Variants in MED13L observed in about 807,000 individuals in gnomAD.
MED13L encodes the protein mediator of RNA polymerase II transcription subunit 13-like.
In MED13L, 7 loss-of-function variants were observed where a neutral mutation model predicts 220.9. The observed-to-expected ratio is 0.03, with a 90% confidence interval of 0.02 to 0.06. MED13L has a LOEUF of 0.06. Ranked by LOEUF, MED13L falls within the 10% of genes least tolerant of loss-of-function variation. The pLI, the probability that MED13L is intolerant of heterozygous loss-of-function variation, is 1.00. For missense variants in MED13L, 1,965 were observed against 2,760.5 expected, an observed-to-expected ratio of 0.71 and a Z score of 6.46; for synonymous variants, 1,011 against 1,015.2, an observed-to-expected ratio of 1.00 and a Z score of 0.08.
intron 4 of MED13L, among the ~76,000 whole-genome samples, chr12:116,057,440 T>C (rs541215963): frequency 3.3e-5 from 5 of 152,000 alleles, no homozygotes; most frequent in Non-Finnish European, 7.4e-5. Flanking sequence ...TTATGGGTGG[T>C]TCAGTATCCA....
intron 1 of MED13L, among the ~76,000 whole-genome samples, chr12:116,260,447 TG>T (rs1441780232): frequency 2.0e-5 from 3 of 151,960 alleles, no homozygotes; most frequent in Admixed American, 1.3e-4. Context: ...AGGAATGTGC[TG>T]AGGAAAAGGG....
At chr12:116,266,220 T>C (rs1315323055) in intron 1 of MED13L, among the ~76,000 whole-genome samples, 3 of 152,178 alleles carry the variant, frequency 2.0e-5, no homozygotes, top group Admixed American at 6.5e-5. Flanking sequence ...ATCTCAGAAG[T>C]CCTCATTTAG....
chr12:116,030,245 C>A (rs1426024826), intron 4 of MED13L, among the ~76,000 whole-genome samples: 1 of 152,008 alleles, frequency 6.6e-6, no homozygotes, highest in Non-Finnish European at 1.5e-5. Flanking sequence ...TCTACATATT[C>A]TTTAACAACA....
At chr12:115,986,936 A>C (rs1161240095) in intron 18 of MED13L, among the ~76,000 whole-genome samples, 173 bp downstream of exon 18, 3 of 152,208 alleles carry the variant, frequency 2.0e-5, no homozygotes, top group Non-Finnish European at 4.4e-5. Context: ...GGGTGGTAGG[A>C]AACTTGACTC....
intron 2 of MED13L, among the ~76,000 whole-genome samples, chr12:116,234,289 G>C (rs570349721): frequency 1.3e-5 from 2 of 151,636 alleles, no homozygotes; most frequent in African/African-American, 4.9e-5. Flanking sequence ...GTGCTGTGGC[G>C]TGATCTCAGC....
chr12:116,067,780 AC>A (rs1168829576), intron 4 of MED13L, among the ~76,000 whole-genome samples: 1 of 152,228 alleles, frequency 6.6e-6, no homozygotes, highest in East Asian at 1.9e-4. Context: ...TATAAAATGA[AC>A]ATAACAATCC....
At chr12:116,043,840 G>A (rs141829188) in intron 4 of MED13L, among the ~76,000 whole-genome samples, 1 of 152,322 alleles carries the variant, frequency 6.6e-6, no homozygotes, top group Non-Finnish European at 1.5e-5. Context: ...AGAAAGGCAT[G>A]TATTTTATTC....
At chr12:116,251,019 T>C (rs1209681580) in intron 1 of MED13L, among the ~76,000 whole-genome samples, 1 of 151,486 alleles carries the variant, frequency 6.6e-6, no homozygotes, top group Non-Finnish European at 1.5e-5. Flanking sequence ...ATGCACATTA[T>C]AAACCCTTGA....
rs1872665508 is a variant in MED13L at position 116,096,689 on chromosome 12, A to G, written c.459T>C (p.Asp153=). The G allele has an allele frequency of 1.2e-6, 2 of 1,614,028 alleles. No individual in the cohort carries two copies. Among genetic ancestry groups the G allele is most frequent in the African/African-American group, 2.7e-5 (2 of 75,040 alleles). Residue 153 remains aspartate (D), a synonymous_variant, in exon 4 of 31, where the codon GAT becomes GAC. Coordinates refer to ENST00000281928, the MANE Select transcript of MED13L (RefSeq NM_015335.5). The part of the protein sequence containing the change: ...GKWFVRPYEK[D]EKPVNKSEHL... ...CTCACCTTTTGTTGACTGGCTTTTC[A>G]TCCTTTTCGTAGGGTCGGACAAACC... is the stretch of plus-strand genomic sequence containing the variant.
At chr12:116,155,107 G>A (rs1005067427) in intron 2 of MED13L, among the ~76,000 whole-genome samples, 9 of 152,196 alleles carry the variant, frequency 5.9e-5, no homozygotes, top group East Asian at 5.8e-4. Context: ...GATTACAGGC[G>A]TGAGCCACCA....
At position 116,006,617 on chromosome 12, in the gene MED13L, A is replaced by G. The variant is rs905697723; in HGVS notation, c.2239-206T>C. On this transcript the variant is annotated intron_variant, in intron 11 of 30. Transcript: ENST00000281928. Reference sequence around the variant, plus strand: ...ACCATGAGCTCCCCACTTTCCCCTCAATCCTATGGGGTATTCTGAGTGAAT... The same window carrying G: ...ACCATGAGCTCCCCACTTTCCCCTCGATCCTATGGGGTATTCTGAGTGAAT... Among the ~76,000 whole-genome samples, 4 of 152,226 alleles carry G rather than the reference A, an allele frequency of 2.6e-5. No individual in the cohort carries two copies. In the South Asian group the frequency reaches 8.3e-4, roughly 32 times the overall value.
At chr12:116,094,656 A>G (rs1024049002) in intron 4 of MED13L, among the ~76,000 whole-genome samples, 2 of 152,188 alleles carry the variant, frequency 1.3e-5, no homozygotes, top group African/African-American at 4.8e-5. Context: ...TTTATGGTCT[A>G]AAGCTATTTT....
chr12:116,141,207 A>C (rs1324838840), intron 2 of MED13L, among the ~76,000 whole-genome samples: 1 of 152,238 alleles, frequency 6.6e-6, no homozygotes, highest in Non-Finnish European at 1.5e-5. Flanking sequence ...CAATTAAATA[A>C]GCCACAATTA....
intron 7 of MED13L, among the ~76,000 whole-genome samples, chr12:116,018,733 C>A (rs115751676): frequency 6.6e-6 from 1 of 152,072 alleles, no homozygotes. Flanking sequence ...AATGCAGACA[C>A]TTTACTGACA....
In MED13L at chr12:115,960,285, A is replaced by G. The variant is rs868669802; in HGVS notation, c.*981T>C. 3.9e-5 allele frequency: 6 copies of G among 152,650 alleles called. No individual in the cohort carries two copies. Among genetic ancestry groups the G allele is most frequent in the Middle Eastern group, 3.2e-3 (1 of 316 alleles). The allele number at this position is 152,650 out of a possible 1,614,324, so 9.5% of individuals were successfully genotyped here. ...AATGAGAGGAGAGACCTGGCTTCCA[A>G]TAAGAATTCACTAGAAAATATATTT... On this transcript the variant is annotated 3_prime_UTR_variant, in exon 31 of 31. Transcript: ENST00000281928.
intron 2 of MED13L, chr12:116,168,981 C>T (rs1879484374): frequency 6.6e-6 from 1 of 152,192 alleles, no homozygotes; most frequent in African/African-American, 2.4e-5. Flanking sequence ...AGGCCTACTG[C>T]AGGGGTGTGA....
chr12:116,221,396 T>C (rs1389910981), intron 2 of MED13L, among the ~76,000 whole-genome samples: 1 of 144,594 alleles, frequency 6.9e-6, no homozygotes, highest in Non-Finnish European at 1.5e-5. Flanking sequence ...AAAAAATGAG[T>C]AGTATCAAAA....
intron 2 of MED13L, chr12:116,232,032 T>C (rs1593190497): frequency 1.0e-6 from 1 of 953,718 alleles, no homozygotes; most frequent in Non-Finnish European, 1.2e-6. Flanking sequence ...CAATAAACAA[T>C]AGTACTAGTA....
At chr12:116,079,744 C>G (rs1871096746) in intron 4 of MED13L, among the ~76,000 whole-genome samples, 1 of 151,832 alleles carries the variant, frequency 6.6e-6, no homozygotes, top group South Asian at 2.1e-4. Flanking sequence ...ACCATGTTGC[C>G]TAGGCTGGTC....
Sources: allele counts gnomAD v4.1 joint callset (sites outside exome capture counted in the v4.1 genomes callset), GRCh38; gene constraint gnomAD v4.1.1; transcripts MANE v1.5; gene names NCBI Gene and HGNC (gene_info 2026-07-23, HGNC 2026-07-21).